Variants in LIMCH1 observed in about 807,000 individuals in gnomAD.
LIMCH1 encodes LIM and calponin homology domains 1.
In LIMCH1, 113 loss-of-function variants were observed where a neutral mutation model predicts 176.5. The ratio of observed to expected loss-of-function variants is 0.64; its 90% confidence interval spans 0.55 to 0.75. The LOEUF is 0.75. LIMCH1 is among the 30% of genes least tolerant of loss of function. The pLI is 0.00. For synonymous variants in LIMCH1, 619 were observed against 645.9 expected (o/e 0.96, Z 0.63); for missense variants, 1,674 against 1,814.9 (o/e 0.92, Z 1.41).
chr4:41,510,295 G>A (rs2074718302), intron 2 of LIMCH1, among the ~76,000 whole-genome samples: 1 of 152,172 alleles, frequency 6.6e-6, no homozygotes, highest in African/African-American at 2.4e-5. Context: ...TATAACAACT[G>A]GTTTAAATGT....
intron 2 of LIMCH1, among the ~76,000 whole-genome samples, chr4:41,601,653 T>C (rs2089947704): frequency 6.6e-6 from 1 of 152,192 alleles, no homozygotes. Context: ...TGTATGAGTA[T>C]TTCAAAGAAC....
At chr4:41,613,216 T>A in intron 4 of LIMCH1, 1 of 983,772 alleles carries the variant, frequency 1.0e-6, no homozygotes, top group East Asian at 2.7e-5. Context: ...ACCTAGGGAA[T>A]ATGAGTTATT....
chr4:41,398,108 T>TA (rs1287478308), intron 1 of LIMCH1, among the ~76,000 whole-genome samples: 5 of 149,852 alleles, frequency 3.3e-5, no homozygotes, highest in South Asian at 2.1e-4. Context: ...TACTTTAAAT[T>TA]AAAAAAAAAG....
intron 14 of LIMCH1, among the ~76,000 whole-genome samples, chr4:41,642,390 T>G (rs1177241826): frequency 6.6e-6 from 1 of 152,168 alleles, no homozygotes; most frequent in East Asian, 1.9e-4. Flanking sequence ...TAAGTGAATT[T>G]TGATCCATGA....
chr4:41,448,902 A>G (rs922623575), intron 1 of LIMCH1, among the ~76,000 whole-genome samples: 2 of 152,138 alleles, frequency 1.3e-5, no homozygotes, highest in Non-Finnish European at 2.9e-5. Context: ...ATGGAAATAC[A>G]TTTGTTGACT....
At chr4:41,541,911 A>G (rs1302066471) in intron 1 of LIMCH1, among the ~76,000 whole-genome samples, 2 of 152,202 alleles carry the variant, frequency 1.3e-5, no homozygotes, top group Non-Finnish European at 2.9e-5. Flanking sequence ...TGCAAATACC[A>G]TAAAGGACAC....
intron 18 of LIMCH1, among the ~76,000 whole-genome samples, chr4:41,652,363 G>A (rs7687798): frequency 0.34 from 51,792 of 151,898 alleles, 9,783 homozygotes; most frequent in African/African-American, 0.49. Context: ...ATGGTAACAC[G>A]TTTCCTAGTC....
At chr4:41,376,416 A>G (rs1430777595) in intron 1 of LIMCH1, among the ~76,000 whole-genome samples, 3 of 152,138 alleles carry the variant, frequency 2.0e-5, no homozygotes, top group Non-Finnish European at 2.9e-5. Context: ...TAAAATGCAA[A>G]AGCAGATTTT....
At chr4:41,638,413 C>G (rs2093687441) in intron 13 of LIMCH1, among the ~76,000 whole-genome samples, 1 of 152,120 alleles carries the variant, frequency 6.6e-6, no homozygotes, top group African/African-American at 2.4e-5. Flanking sequence ...GGTTGGAGTT[C>G]TGGTTTCCCT....
intron 15 of LIMCH1, among the ~76,000 whole-genome samples, chr4:41,645,690 G>GT (rs1475232644): frequency 4.6e-5 from 7 of 151,942 alleles, no homozygotes; most frequent in Non-Finnish European, 1.5e-5. Context: ...CTCCAAAACA[G>GT]TTTTTTTTCT....
At chr4:41,591,188 T>C (rs1160149276) in intron 1 of LIMCH1, among the ~76,000 whole-genome samples, 1 of 152,156 alleles carries the variant, frequency 6.6e-6, no homozygotes, top group Non-Finnish European at 1.5e-5. Context: ...CTAGTCCGTA[T>C]TAAAATTTCT....
At position 41,638,965 on chromosome 4, in the gene LIMCH1, A is replaced by G; in HGVS notation, c.2124A>G (p.Ala708=). The stretch of plus-strand genomic sequence containing the variant: ...CGAGAACTCCTGTGTCTGATGACGC[A>G]GAGTAAGTTGCCTTGTATTTGTAGG... ...YGPRTPVSDD[A]ESTSMFDMRC... is the part of the protein sequence containing the mutation. Residue 708 remains alanine, a splice_region_variant and synonymous_variant, in exon 14 of 32, where the codon GCA becomes GCG. Coordinates refer to ENST00000503057, the MANE Select transcript of LIMCH1 (RefSeq NM_001330672.2). The G allele has an allele frequency of 6.3e-7, 1 of 1,585,432 alleles. No individual in the cohort carries two copies. The highest frequency in any genetic ancestry group is 8.5e-7 in the Non-Finnish European group (1 of 1,170,988).
chr4:41,469,762 A>G (rs1184887535), intron 1 of LIMCH1, among the ~76,000 whole-genome samples: 1 of 151,796 alleles, frequency 6.6e-6, no homozygotes. Context: ...GCTCACTGCA[A>G]CCTCTGCCTC....
intron 1 of LIMCH1, among the ~76,000 whole-genome samples, chr4:41,461,907 C>T (rs2065416380): frequency 6.6e-6 from 1 of 152,186 alleles, no homozygotes; most frequent in South Asian, 2.1e-4. Context: ...ATCCCACAGC[C>T]CTTCATCAGG....
chr4:41,400,511 G>A (rs994477425), intron 1 of LIMCH1, among the ~76,000 whole-genome samples: 1 of 152,164 alleles, frequency 6.6e-6, no homozygotes, highest in East Asian at 1.9e-4. Context: ...CTGGAATGTA[G>A]GGAATTTTTC....
At chr4:41,478,664 T>A (rs529423648) in intron 1 of LIMCH1, among the ~76,000 whole-genome samples, 14 of 152,352 alleles carry the variant, frequency 9.2e-5, no homozygotes, top group African/African-American at 2.4e-4. Context: ...GACTGTGTGT[T>A]CTTGGCAGAG....
At chr4:41,379,326 C>T (rs2055276543) in intron 1 of LIMCH1, among the ~76,000 whole-genome samples, 1 of 152,134 alleles carries the variant, frequency 6.6e-6, no homozygotes, top group South Asian at 2.1e-4. Context: ...TCATCTAGGC[C>T]TCCCTGTGGG....
At chr4:41,513,291 G>T (rs1360543664) in intron 2 of LIMCH1, among the ~76,000 whole-genome samples, 2 of 152,188 alleles carry the variant, frequency 1.3e-5, no homozygotes, top group Non-Finnish European at 2.9e-5. Context: ...CAGATGAAAA[G>T]GCGTTGCTTG....
At chr4:41,682,492 G>C in intron 26 of LIMCH1, 32 bp downstream of exon 26, 2 of 1,605,266 alleles carry the variant, frequency 1.2e-6, no homozygotes, top group Non-Finnish European at 1.7e-6. Flanking sequence ...CCATGAAAAT[G>C]TACAAAGCTG....
Sources: allele counts gnomAD v4.1 joint callset (sites outside exome capture counted in the v4.1 genomes callset), GRCh38; gene constraint gnomAD v4.1.1; transcripts MANE v1.5; gene names NCBI Gene and HGNC (gene_info 2026-07-23, HGNC 2026-07-21).